SEMA3A: variants seen among roughly 807,000 people sequenced by gnomAD.
The protein encoded by SEMA3A is semaphorin 3A.
A neutral mutation model predicts 97.9 loss-of-function variants in SEMA3A; 29 were observed. The observed-to-expected ratio is 0.30, with a 90% CI of 0.22 to 0.40. SEMA3A has a LOEUF of 0.40. Ranked by LOEUF, SEMA3A falls within the 10% of genes least tolerant of loss-of-function variation. The pLI is 1.00. For synonymous variants in SEMA3A, 321 were observed against 323.7 expected, an observed-to-expected ratio of 0.99 and a Z score of 0.09; for missense variants, 763 against 951.3, an observed-to-expected ratio of 0.80 and a Z score of 2.60.
chr7:84,447,640 C>A (rs554078645), intron 1 of SEMA3A, among the ~76,000 whole-genome samples: 1 of 152,316 alleles, frequency 6.6e-6, no homozygotes, highest in Admixed American at 6.5e-5. Context: ...CACTTCGGGT[C>A]TCCTAAGAGC....
chr7:83,963,298 C>G lies in SEMA3A; in HGVS notation c.1767G>C (p.Glu589Asp), dbSNP rs867220951. The G allele has an allele frequency of 3.1e-6, 5 of 1,613,776 alleles. No individual in the cohort carries two copies. Among genetic ancestry groups the G allele is most frequent in the Non-Finnish European group, 4.2e-6 (5 of 1,179,972 alleles). The part of the protein sequence containing the change: ...SPEERIIYGV[E>D]NSSTFLECSP... ...TGCATTCCAAAAATGTGCTACTATT[C>G]TCTACACCATAGATGATTCTCTCTT... Residue 589 changes from glutamate to aspartate, a missense_variant, in exon 16 of 17, where the codon GAG (glutamate) becomes GAC (aspartate). This residue lies in a region of SEMA3A where 678 missense variants were observed against 881.3 expected (regional missense o/e 0.77). Transcript: ENST00000265362.
intron 10 of SEMA3A, 55 bp from the exon 11 acceptor site, chr7:84,005,613 T>C (rs1790636035): frequency 2.5e-6 from 3 of 1,177,478 alleles, no homozygotes; most frequent in African/African-American, 1.5e-5. Flanking sequence ...AACATAATTA[T>C]AAATTATATA....
chr7:84,428,000 AG>A (rs1456179737), intron 1 of SEMA3A, among the ~76,000 whole-genome samples: 4 of 152,172 alleles, frequency 2.6e-5, no homozygotes, highest in Non-Finnish European at 4.4e-5. Flanking sequence ...TATTGTATTT[AG>A]CTTCTTTAAT....
chr7:84,034,503 G>A (rs1179459848), intron 6 of SEMA3A, among the ~76,000 whole-genome samples: 1 of 152,074 alleles, frequency 6.6e-6, no homozygotes, highest in Non-Finnish European at 1.5e-5. Context: ...TCTATAGTTT[G>A]GAAGTGATCT....
chr7:84,000,472 T>G (rs1790395977), intron 12 of SEMA3A, among the ~76,000 whole-genome samples: 1 of 152,176 alleles, frequency 6.6e-6, no homozygotes, highest in Admixed American at 6.6e-5. Flanking sequence ...ATTTTCAGTT[T>G]AGCTAAACTA....
At chr7:84,460,863 C>T (rs988335833) in intron 1 of SEMA3A, among the ~76,000 whole-genome samples, 1 of 152,148 alleles carries the variant, frequency 6.6e-6, no homozygotes, top group Middle Eastern at 3.2e-3. Flanking sequence ...TTTGTGACTA[C>T]CTGCAACTGG....
At chr7:84,131,610 C>T (rs748849682) in intron 2 of SEMA3A, among the ~76,000 whole-genome samples, 1 of 152,070 alleles carries the variant, frequency 6.6e-6, no homozygotes, top group African/African-American at 2.4e-5. Context: ...ACTATTTTAT[C>T]TTTACTGTTA....
At chr7:84,404,499 A>G (rs926705981) in intron 1 of SEMA3A, among the ~76,000 whole-genome samples, 1 of 152,198 alleles carries the variant, frequency 6.6e-6, no homozygotes, top group Non-Finnish European at 1.5e-5. Flanking sequence ...AACTTCCCCA[A>G]TCTAGCAAGG....
At chr7:84,341,804 C>T (rs1802178389) in intron 2 of SEMA3A, among the ~76,000 whole-genome samples, 1 of 152,126 alleles carries the variant, frequency 6.6e-6, no homozygotes, top group African/African-American at 2.4e-5. Context: ...CTACATACCC[C>T]AGGATGTTCC....
chr7:84,095,358 C>CATATATATATACAT (rs1554326083), intron 4 of SEMA3A, among the ~76,000 whole-genome samples: 4 of 122,902 alleles, frequency 3.3e-5, no homozygotes, highest in African/African-American at 1.4e-4. Context: ...TTTTTATATA[C>CATATATATATACAT]ATATATATAT....
intron 3 of SEMA3A, among the ~76,000 whole-genome samples, chr7:84,209,687 T>G (rs1006290360): frequency 6.6e-6 from 1 of 152,220 alleles, no homozygotes; most frequent in South Asian, 2.1e-4. Flanking sequence ...CATGTAAAAC[T>G]GTAATTTTAG....
At chr7:84,012,635 T>C (rs919432002) in intron 7 of SEMA3A, among the ~76,000 whole-genome samples, 1 of 152,214 alleles carries the variant, frequency 6.6e-6, no homozygotes, top group African/African-American at 2.4e-5. Context: ...GTTGAAGCAA[T>C]TTATATTTTA....
At chr7:84,406,034 G>GA (rs1562935758) in intron 1 of SEMA3A, among the ~76,000 whole-genome samples, 12 of 152,122 alleles carry the variant, frequency 7.9e-5, no homozygotes, top group Non-Finnish European at 1.2e-4. Flanking sequence ...CAGAAGGCGA[G>GA]AAATAACTAA....
In SEMA3A at chr7:83,961,724, C is replaced by T; in HGVS notation, c.1963G>A (p.Gly655Arg). 3.1e-6 allele frequency: 5 copies of T among 1,613,696 alleles called. No homozygotes were observed. Among genetic ancestry groups the T allele is most frequent in the Non-Finnish European group, 4.2e-6 (5 of 1,179,848 alleles). The change falls in exon 17 of 17, where the codon GGG (glycine) becomes AGG (arginine). Residue 655 changes from glycine to arginine, a missense_variant. Gly to Arg is a moderately radical substitution (Grantham distance 125). Transcript: ENST00000265362. ...GNYLCHAVEH[G>R]FIQTLLKVTL... The stretch of plus-strand genomic sequence containing the variant: ...ACCTTAAGAAGAGTTTGTATGAACC[C>T]ATGTTCCACCGCATGGCAGAGGTAA...
rs1274760807 is a variant in SEMA3A, at chr7:83,955,997, T to G, written c.*5374A>C. The G allele has an allele frequency of 1.3e-5, 2 of 152,178 alleles. No homozygotes were observed. Among genetic ancestry groups the G allele is most frequent in the Non-Finnish European group, 2.9e-5 (2 of 68,006 alleles). 9.4% of individuals were successfully genotyped at this position (152,178 alleles called of 1,614,324 possible). ...ATTCTTTTGTTATATGAGAAAAACATGACAGATTAATACAACGGTGGTGCG... is the reference window on the plus strand; with the variant it reads ...ATTCTTTTGTTATATGAGAAAAACAGGACAGATTAATACAACGGTGGTGCG... On this transcript the variant is annotated 3_prime_UTR_variant, in exon 17 of 17. Transcript: ENST00000265362.
At chr7:84,305,002 A>G (rs532769465) in intron 3 of SEMA3A, among the ~76,000 whole-genome samples, 9 of 152,102 alleles carry the variant, frequency 5.9e-5, no homozygotes, top group African/African-American at 1.9e-4. Flanking sequence ...AGAATCAAAC[A>G]TATATGGAGC....
At chr7:84,429,310 G>C (rs1804906771) in intron 1 of SEMA3A, among the ~76,000 whole-genome samples, 1 of 151,122 alleles carries the variant, frequency 6.6e-6, no homozygotes, top group Non-Finnish European at 1.5e-5. Context: ...AATTGAACTA[G>C]TACGACATCT....
chr7:84,476,436 T>C (rs1452890231), intron 1 of SEMA3A, among the ~76,000 whole-genome samples: 4 of 151,612 alleles, frequency 2.6e-5, no homozygotes, highest in Non-Finnish European at 5.9e-5. Flanking sequence ...CAAACACCCA[T>C]ATAGAGTCTG....
At chr7:84,359,624 C>T (rs1437104545) in intron 2 of SEMA3A, among the ~76,000 whole-genome samples, 2 of 152,078 alleles carry the variant, frequency 1.3e-5, no homozygotes, top group Non-Finnish European at 2.9e-5. Flanking sequence ...CTCTGCCAGG[C>T]TTTGGTATTA....
Sources: allele counts gnomAD v4.1 joint callset (sites outside exome capture counted in the v4.1 genomes callset), GRCh38; gene constraint gnomAD v4.1.1; regional missense constraint gnomAD v4.1.1; transcripts MANE v1.5; gene names NCBI Gene and HGNC (gene_info 2026-07-23, HGNC 2026-07-21).